Variants in DLGAP2 observed in about 807,000 individuals in gnomAD.
DLGAP2 encodes DLG associated protein 2.
DLGAP2 carries 26 observed loss-of-function variants against 100.3 expected under a neutral mutation model. That is an observed-to-expected ratio of 0.26 (90% CI 0.19 to 0.36). DLGAP2 has a LOEUF of 0.36. Among genes scored for constraint, DLGAP2 ranks in the 10% least tolerant of loss-of-function variants. The pLI is 1.00. For synonymous variants in DLGAP2, 886 were observed against 630.1 expected (o/e 1.41, Z -6.08); for missense variants, 1,858 against 1,453.2 (o/e 1.28, Z -4.53).
intron 4 of DLGAP2, among the ~76,000 whole-genome samples, chr8:1,524,537 A>T (rs4876084): frequency 0.79 from 120,821 of 152,018 alleles, 48,842 homozygotes; most frequent in African/African-American, 0.94. Context: ...GCAGAGCTGA[A>T]TCCTGCTGAG....
At chr8:1,240,225 G>C (rs1292215616) in intron 2 of DLGAP2, among the ~76,000 whole-genome samples, 1 of 123,956 alleles carries the variant, frequency 8.1e-6, no homozygotes, top group African/African-American at 2.9e-5. Flanking sequence ...ACTGTGTCTA[G>C]TTCTCTCACA....
At chr8:1,645,133 G>GATGA (rs1798010477) in intron 8 of DLGAP2, among the ~76,000 whole-genome samples, 1 of 152,206 alleles carries the variant, frequency 6.6e-6, no homozygotes, top group Admixed American at 6.5e-5. Flanking sequence ...GAATGAATCA[G>GATGA]ATGAATGAAT....
chr8:1,306,105 AAAAAT>A lies in DLGAP2; in HGVS notation c.106+47224_106+47228del, dbSNP rs1245365531. ...AAAAAAAAAAAAAGAGAGAGGGAGA[AAAAAT>A]AGAAAATCATCCAAATTGGAAAGAA... is the stretch of plus-strand genomic sequence containing the variant. On this transcript the variant is annotated intron_variant, in intron 3 of 14. Coordinates refer to ENST00000637795, the MANE Select transcript of DLGAP2 (RefSeq NM_001346810.2). Among the ~76,000 whole-genome samples, 30 of 150,102 alleles carry A rather than the reference AAAAAT, an allele frequency of 2.0e-4. 2 individuals are homozygous for A. The highest frequency in any genetic ancestry group is 7.0e-4 in the African/African-American group (29 of 41,352).
At chr8:1,371,912 C>G (rs972134636) in intron 3 of DLGAP2, among the ~76,000 whole-genome samples, 3 of 152,208 alleles carry the variant, frequency 2.0e-5, no homozygotes, top group Non-Finnish European at 4.4e-5. Context: ...AGTGCAGGGC[C>G]CTTTTCAATA....
intron 1 of DLGAP2, among the ~76,000 whole-genome samples, chr8:848,891 A>T (rs78388676): frequency 0.34 from 33,242 of 99,210 alleles, 4,493 homozygotes; most frequent in Non-Finnish European, 0.39. Context: ...CAGCATAGGA[A>T]CGCGCGGTGC....
At chr8:756,342 G>C (rs964054122) in intron 1 of DLGAP2, among the ~76,000 whole-genome samples, 1 of 152,176 alleles carries the variant, frequency 6.6e-6, no homozygotes, top group Admixed American at 6.5e-5. Context: ...AGACGATGTC[G>C]TTGTGGGACC....
chr8:1,320,375 G>A (rs1800867253), intron 3 of DLGAP2, among the ~76,000 whole-genome samples: 1 of 152,142 alleles, frequency 6.6e-6, no homozygotes, highest in Non-Finnish European at 1.5e-5. Context: ...TCCTACAGAT[G>A]ACACTGAACC....
chr8:865,698 G>A (rs531577731), intron 1 of DLGAP2, among the ~76,000 whole-genome samples: 7 of 152,148 alleles, frequency 4.6e-5, no homozygotes, highest in Admixed American at 1.3e-4. Flanking sequence ...CCCTCACAAC[G>A]TGCTCTTCTT....
At chr8:1,105,465 G>C (rs1804725429) in intron 2 of DLGAP2, among the ~76,000 whole-genome samples, 1 of 152,100 alleles carries the variant, frequency 6.6e-6, no homozygotes, top group Admixed American at 6.5e-5. Flanking sequence ...GTTCTGGTCC[G>C]TGTTTCTCTG....
At chr8:1,373,377 A>G (rs2129720239) in intron 3 of DLGAP2, among the ~76,000 whole-genome samples, 1 of 152,186 alleles carries the variant, frequency 6.6e-6, no homozygotes, top group Admixed American at 6.5e-5. Flanking sequence ...GGGCAGCGCC[A>G]GACGCAGAGC....
At chr8:1,169,832 A>G (rs7816875) in intron 2 of DLGAP2, among the ~76,000 whole-genome samples, 32,821 of 148,034 alleles carry the variant, frequency 0.22, 4,131 homozygotes, top group Middle Eastern at 0.39. Flanking sequence ...CTGCAAACAG[A>G]GACAATTTGA....
chr8:1,448,872 C>A (rs906847715), intron 3 of DLGAP2, among the ~76,000 whole-genome samples: 7 of 152,166 alleles, frequency 4.6e-5, no homozygotes, highest in African/African-American at 1.7e-4. Context: ...TGATCCTGAC[C>A]CATAATAGCA....
At position 1,265,951 on chromosome 8, in the gene DLGAP2, C is replaced by T. The variant is rs191005226; in HGVS notation, c.106+7068C>T. Among the ~76,000 whole-genome samples the T allele has an allele frequency of 4.2e-4, 64 of 152,174 alleles. No individual in the cohort carries two copies. The East Asian group carries it at 5.6e-3, about 13-fold the overall frequency. ...GATAAAATCATTGTTTAATGATAAA[C>T]GGAATCTGCTCCAAGAAGCTATAAG... On this transcript the variant is annotated intron_variant, in intron 3 of 14. Transcript: ENST00000637795.
chr8:1,414,923 C>T (rs1057417359), intron 3 of DLGAP2, among the ~76,000 whole-genome samples: 6 of 152,056 alleles, frequency 3.9e-5, no homozygotes, highest in African/African-American at 1.2e-4. Context: ...GCAGGGGAAT[C>T]ACTTGAACCT....
At chr8:1,655,740 C>T (rs1251562475) in intron 8 of DLGAP2, among the ~76,000 whole-genome samples, 1 of 152,218 alleles carries the variant, frequency 6.6e-6, no homozygotes, top group Non-Finnish European at 1.5e-5. Context: ...ATCTCCTCCA[C>T]GAGGTTGGCT....
chr8:1,482,623 C>T (rs2130250915), intron 3 of DLGAP2, among the ~76,000 whole-genome samples: 1 of 152,384 alleles, frequency 6.6e-6, no homozygotes, highest in Non-Finnish European at 1.5e-5. Context: ...GCTTGCTCGG[C>T]TGGCTTCTCC....
At chr8:1,369,907 A>AGCC (rs1365498166) in intron 3 of DLGAP2, 1 of 152,246 alleles carries the variant, frequency 6.6e-6, no homozygotes, top group Non-Finnish European at 1.5e-5. Flanking sequence ...GTGCAGAGGC[A>AGCC]GCCGCTGCAG....
At chr8:1,269,511 A>G (rs529555572) in intron 3 of DLGAP2, among the ~76,000 whole-genome samples, 9 of 152,244 alleles carry the variant, frequency 5.9e-5, no homozygotes, top group African/African-American at 1.9e-4. Flanking sequence ...TGTGACTGGG[A>G]GAAGTAAGAC....
chr8:1,499,864 G>A (rs936959587), intron 3 of DLGAP2, among the ~76,000 whole-genome samples: 2 of 152,100 alleles, frequency 1.3e-5, no homozygotes, highest in African/African-American at 2.4e-5. Context: ...TATTGAAAAT[G>A]GCAGATGCCG....
Sources: allele counts gnomAD v4.1 joint callset (sites outside exome capture counted in the v4.1 genomes callset), GRCh38; gene constraint gnomAD v4.1.1; transcripts MANE v1.5; gene names NCBI Gene and HGNC (gene_info 2026-07-23, HGNC 2026-07-21).